Variants in MYH9 observed in about 807,000 individuals in gnomAD.
The protein encoded by MYH9 is myosin heavy chain 9, also known as myosin-9.
A neutral mutation model predicts 241.9 loss-of-function variants in MYH9; 29 were observed. The observed-to-expected ratio is 0.12, with a 90% CI of 0.09 to 0.16. The LOEUF is 0.16. Ranked by LOEUF, MYH9 falls within the 10% of genes least tolerant of loss-of-function variation. MYH9 has a pLI of 1.00. For synonymous variants in MYH9, 1,047 were observed against 1,062.6 expected, an observed-to-expected ratio of 0.99 and a Z score of 0.29; for missense variants, 1,803 against 2,595.5, an observed-to-expected ratio of 0.69 and a Z score of 6.63.
intron 1 of MYH9, among the ~76,000 whole-genome samples, chr22:36,354,526 C>A (rs1409001678): frequency 2.6e-5 from 4 of 151,528 alleles, no homozygotes; most frequent in South Asian, 2.1e-4. Context: ...CTCACTGCAA[C>A]CTCCGCTTCC....
Position 36,301,397 on chromosome 22 carries a change from T to TTA in MYH9, c.2631+135_2631+136dup, listed in dbSNP as rs1489221557. ...GGTCTGCAGAGAGACTGGTCACTGT[T>TTA]TACAGTAATAGGAAACTCAGTTGTA... is the stretch of plus-strand genomic sequence containing the variant. On this transcript the variant is annotated intron_variant, in intron 21 of 40. Coordinates refer to ENST00000216181, the MANE Select transcript of MYH9 (RefSeq NM_002473.6). 4.2e-6 allele frequency: 5 copies of TTA among 1,196,084 alleles called. No individual in the cohort carries two copies. The Admixed American group carries it at 5.7e-5, about 14-fold the overall frequency. The allele number at this position is 1,196,084 out of a possible 1,614,324, so 74.1% of individuals were successfully genotyped here.
At chr22:36,317,738 G>A (rs933023917) in intron 11 of MYH9, among the ~76,000 whole-genome samples, 2 of 152,254 alleles carry the variant, frequency 1.3e-5, no homozygotes, top group African/African-American at 4.8e-5. Context: ...AGTCTGGCAG[G>A]AAGGAGCAAG....
At position 36,300,227 on chromosome 22, in the gene MYH9, C is replaced by T. The variant is rs1314063310; in HGVS notation, c.2876G>A (p.Arg959Gln). 10 of 1,613,382 alleles carry T rather than the reference C, an allele frequency of 6.2e-6. No homozygotes were observed. Among genetic ancestry groups the T allele is most frequent in the South Asian group, 2.2e-5 (2 of 91,084 alleles). Residue 959 changes from arginine to glutamine, a missense_variant, in exon 23 of 41, where the codon CGG becomes CAG. Physicochemically the swap from Arg to Gln is conservative, Grantham distance 43 (BLOSUM62 1). Around this residue, in one of 11 missense-constraint regions of MYH9, gnomAD observed 290 missense variants for 360.5 expected, o/e 0.80. Coordinates refer to ENST00000216181, the MANE Select transcript of MYH9 (RefSeq NM_002473.6). This position sits in a 1 kb window ranked among gnomAD's most constrained non-coding sequence, Gnocchi z 5.0. ...CACCTTCTCCAGCTGCAGCTTCTGC[C>T]GGGCGCTCTCCTCCTCCTCCAGCTG... The part of the protein sequence containing the change: ...EEQLEEEESA[R>Q]QKLQLEKVTT...
chr22:36,347,052 A>C (rs2017687958), intron 2 of MYH9, among the ~76,000 whole-genome samples: 1 of 152,168 alleles, frequency 6.6e-6, no homozygotes, highest in South Asian at 2.1e-4. Context: ...TTTCTTTCCC[A>C]CTGGGGACAA....
Position 36,293,239 on chromosome 22 carries a change from C to A in MYH9, c.4095+90G>T, listed in dbSNP as rs575389881. Reference sequence around the variant, plus strand: ...GGAGAGCAGCAATGGGCCGGCCCAGCGGGCAGGGCTGTCCTGCAGTGCCCA... The same window carrying A: ...GGAGAGCAGCAATGGGCCGGCCCAGAGGGCAGGGCTGTCCTGCAGTGCCCA... On this transcript the variant is annotated intron_variant, in intron 30 of 40. Coordinates refer to ENST00000216181, the MANE Select transcript of MYH9 (RefSeq NM_002473.6). The surrounding 1 kb of genome is among the most constrained non-coding windows in gnomAD (Gnocchi z 5.1). 5.2e-6 allele frequency: 8 copies of A among 1,550,296 alleles called. No homozygotes were observed. The East Asian group carries it at 6.8e-5, about 13-fold the overall frequency.
intron 11 of MYH9, 81 bp from the exon 12 acceptor site, chr22:36,316,750 T>C: frequency 6.4e-7 from 1 of 1,556,846 alleles, no homozygotes; most frequent in South Asian, 1.1e-5. Context: ...GTAATTTCAC[T>C]TTTAGAGTCC....
chr22:36,285,971 A>AGT lies in MYH9; in HGVS notation c.5062-20_5062-19dup, dbSNP rs1304106154. On this transcript the variant is annotated intron_variant, in intron 35 of 40. Transcript: ENST00000216181. The surrounding 1 kb of genome is among the most constrained non-coding windows in gnomAD (Gnocchi z 7.0). The stretch of plus-strand genomic sequence containing the variant: ...GCCAGTTCCTGCCACAAAGACCCAG[A>AGT]GTGTGACCTAAAGGCAGCCACAGCC... 11 of 1,608,732 alleles carry AGT rather than the reference A, an allele frequency of 6.8e-6. No individual in the cohort carries two copies. The highest frequency in any genetic ancestry group is 9.3e-6 in the Non-Finnish European group (11 of 1,179,968).
rs2146369359 is a variant in MYH9, at chr22:36,326,614, T to C, written c.566A>G (p.Gln189Arg). The C allele has an allele frequency of 2.5e-6, 4 of 1,614,228 alleles. No homozygotes were observed. The highest frequency in any genetic ancestry group is 1.1e-5 in the South Asian group (1 of 91,080). Residue 189 changes from glutamine (Q) to arginine (R), a missense_variant, in exon 5 of 41, where the codon CAG becomes CGG. Gln to Arg is a conservative substitution (Grantham distance 43). Coordinates refer to ENST00000216181, the MANE Select transcript of MYH9 (RefSeq NM_002473.6). The part of the protein sequence containing the change: ...GKTENTKKVI[Q>R]YLAYVASSHK... ...CGAGGACGCCACGTACGCCAGATACTGGATGACCTTCTTGGTGTTCTCCGT... is the reference window on the plus strand; with the variant it reads ...CGAGGACGCCACGTACGCCAGATACCGGATGACCTTCTTGGTGTTCTCCGT...
chr22:36,332,406 C>T (rs1266819418), intron 3 of MYH9, among the ~76,000 whole-genome samples: 1 of 152,210 alleles, frequency 6.6e-6, no homozygotes, highest in Non-Finnish European at 1.5e-5. Flanking sequence ...GAGGAAGCCC[C>T]TTCCGTCGCT....
intron 2 of MYH9, among the ~76,000 whole-genome samples, chr22:36,343,348 C>G (rs948057480): frequency 6.6e-6 from 1 of 151,228 alleles, no homozygotes; most frequent in Non-Finnish European, 1.5e-5. Flanking sequence ...CCAGCCTGGG[C>G]AAAAAAGCAA....
chr22:36,297,170 G>A, intron 24 of MYH9, 156 bp from the exon 25 acceptor site: 1 of 806,546 alleles, frequency 1.2e-6, no homozygotes, highest in African/African-American at 1.7e-5. Flanking sequence ...CTGGATGCAG[G>A]AAGAGGACAT....
chr22:36,331,667 G>A (rs2017421907), intron 3 of MYH9, among the ~76,000 whole-genome samples: 2 of 152,200 alleles, frequency 1.3e-5, no homozygotes, highest in African/African-American at 2.4e-5. Context: ...AAGTACAGAG[G>A]AAGGGGCCTG....
In MYH9 at chr22:36,284,211, C is replaced by T. The variant is rs1261555310; in HGVS notation, c.5647G>A (p.Glu1883Lys). The T allele has an allele frequency of 1.9e-6, 3 of 1,613,238 alleles. No homozygotes were observed. The highest frequency in any genetic ancestry group is 1.7e-6 in the Non-Finnish European group (2 of 1,179,742). ...GCGTTGGCCCGCTGGGCCTCCTCTT[C>T]GGCCTCCTCCAGCTGCCGCTTGAGC... is the stretch of plus-strand genomic sequence containing the variant. ...KQLKRQLEEAEEEAQRANASR... is the reference protein window; with the variant it reads ...KQLKRQLEEAKEEAQRANASR... The change falls in exon 40 of 41, where the codon GAA (glutamate) becomes AAA (lysine). Residue 1883 changes from glutamate to lysine, a missense_variant. By Grantham distance (56) the Glu-to-Lys change is moderately conservative. Transcript: ENST00000216181.
chr22:36,385,927 G>A (rs1335244472), intron 1 of MYH9, among the ~76,000 whole-genome samples: 1 of 152,144 alleles, frequency 6.6e-6, no homozygotes, highest in Non-Finnish European at 1.5e-5. Context: ...CTTCTCCCTT[G>A]TAGCAGCCTC....
At chr22:36,364,421 C>T (rs1159475179) in intron 1 of MYH9, among the ~76,000 whole-genome samples, 4 of 152,256 alleles carry the variant, frequency 2.6e-5, no homozygotes, top group Non-Finnish European at 2.9e-5. Context: ...GTCAAATCTG[C>T]GTCACCCACT....
At chr22:36,347,466 C>T (rs913261271) in intron 2 of MYH9, among the ~76,000 whole-genome samples, 2 of 151,888 alleles carry the variant, frequency 1.3e-5, no homozygotes, top group African/African-American at 4.8e-5. Flanking sequence ...GGCACAGTGG[C>T]TCACGCCTGT....
At position 36,309,437 on chromosome 22, in the gene MYH9, G is replaced by C. The variant is rs759101777; in HGVS notation, c.1729-41C>G. ...AGGCAGGAGTCACAAGCTGCGCTGGGGACATGTGTGCTCACAGGGTCTCCG... is the reference window on the plus strand; with the variant it reads ...AGGCAGGAGTCACAAGCTGCGCTGGCGACATGTGTGCTCACAGGGTCTCCG... On this transcript the variant is annotated intron_variant, in intron 14 of 40. Transcript: ENST00000216181. 6 of 1,468,840 alleles carry C rather than the reference G, an allele frequency of 4.1e-6. No individual in the cohort carries two copies. The Admixed American group carries it at 8.4e-5, about 20-fold the overall frequency. 91.0% of individuals were successfully genotyped at this position (1,468,840 alleles called of 1,614,324 possible). A position where few individuals can be genotyped will look rare whatever the true frequency, so the allele number is the denominator to read the frequency against.
chr22:36,304,121 C>A lies in MYH9; in HGVS notation c.2264G>T (p.Arg755Leu). The A allele has an allele frequency of 6.2e-7, 1 of 1,613,666 alleles. No individual in the cohort carries two copies. Among genetic ancestry groups the A allele is most frequent in the Non-Finnish European group, 8.5e-7 (1 of 1,180,022 alleles). The change falls in exon 19 of 41, where the codon CGC becomes CTC. Residue 755 changes from arginine to leucine, a missense_variant. Coordinates refer to ENST00000216181, the MANE Select transcript of MYH9 (RefSeq NM_002473.6). ...GAAGAAGACTTTGCTCTGGCCAATG[C>A]GGTACAGATTGCTGTCGAGCTCCAG... ...KALELDSNLY[R>L]IGQSKVFFRA...
rs1472348578 is a variant in MYH9, at chr22:36,301,009, C to T, written c.2680G>A (p.Glu894Lys). 1 of 1,611,756 alleles carries T rather than the reference C, an allele frequency of 6.2e-7. No homozygotes were observed. The highest frequency in any genetic ancestry group is 8.5e-7 in the Non-Finnish European group (1 of 1,180,010). The stretch of plus-strand genomic sequence containing the variant: ...AGCTCCTCAGCCTCGGCACACAGCT[C>T]GGTTTCTGCCTGGAGCTGCTCCTGC... The part of the protein sequence containing the change: ...QLQEQLQAET[E>K]LCAEAEELRA... Residue 894 changes from glutamate to lysine, a missense_variant, in exon 22 of 41, where the codon GAG becomes AAG. Transcript: ENST00000216181.
Sources: allele counts gnomAD v4.1 joint callset (sites outside exome capture counted in the v4.1 genomes callset), GRCh38; gene constraint gnomAD v4.1.1; regional missense constraint gnomAD v4.1.1; non-coding constraint Gnocchi (gnomAD v3.1); transcripts MANE v1.5; gene names NCBI Gene and HGNC (gene_info 2026-07-23, HGNC 2026-07-21).